The following FHL1 variants were observed in gnomAD, a reference collection of about 807,000 sequenced individuals.
FHL1 encodes the protein four and a half LIM domains protein 1.
A neutral mutation model predicts 20.3 loss-of-function variants in FHL1; 1 was observed. The observed-to-expected ratio is 0.05, with a 90% CI of 0.02 to 0.23. The LOEUF (loss-of-function observed/expected upper bound fraction) is 0.23, where lower values mean the gene tolerates loss of function less well. FHL1 is among the 10% of genes least tolerant of loss of function. The probability of loss-of-function intolerance (pLI) is 1.00; values close to 1 mark genes in which losing one functional copy is unlikely to be tolerated. For missense variants in FHL1, 177 were observed against 234.0 expected, an observed-to-expected ratio of 0.76 and a Z score of 1.59; for synonymous variants, 82 against 88.9, an observed-to-expected ratio of 0.92 and a Z score of 0.44.
Position 136,186,875 on chromosome X carries a change from TATATATAGATAGATAGATAG to T in FHL1, c.-27+16899_-27+16918del, listed in dbSNP as rs1404114668. On this transcript the variant is annotated intron_variant, in intron 2 of 6. Coordinates refer to the FHL1 transcript ENST00000394153. ...TCTCAAAAAAAAAAAAATATATATA[TATATATAGATAGATAGATAG>T]ATAGATAGATAGATAGATAGATAGA... Among the ~76,000 whole-genome samples the T allele has an allele frequency of 1.9e-3, 15 of 8,099 alleles. 1 individual carries two copies. The highest frequency in any genetic ancestry group is 0.013 in the East Asian group (2 of 158). 7.0% of individuals were successfully genotyped at this position (8,099 alleles called of 115,157 possible). A position where few individuals can be genotyped will look rare whatever the true frequency, so the allele number is the denominator to read the frequency against.
At chrX:136,189,013 C>A (rs1258309208) in intron 2 of FHL1, among the ~76,000 whole-genome samples, 1 of 112,089 alleles carries the variant, frequency 8.9e-6, no homozygotes, top group Non-Finnish European at 1.9e-5. Context: ...AGCCTCTTTT[C>A]ATTGTTGGCC....
chrX:136,209,441 C>T (rs1271233483), intron 5 of FHL1: 7 of 1,210,130 alleles, frequency 5.8e-6, no homozygotes, highest in Non-Finnish European at 6.7e-6. Flanking sequence ...CCTCGAGGCC[C>T]GGTAAGTGCA....
Position 136,210,129 on chromosome X carries a change from C to A in FHL1, c.*104C>A. ...ATAGGGGAAGAGTGGTCCTTCCCTT[C>A]TTTAAAGTTCTCCTTCCGTCTTTTC... On this transcript the variant is annotated 3_prime_UTR_variant, in exon 6 of 6. Transcript: ENST00000370683. 9.6e-7 allele frequency: 1 copy of A among 1,046,256 alleles called. No individual in the cohort carries two copies. Among genetic ancestry groups the A allele is most frequent in the Non-Finnish European group, 1.3e-6 (1 of 746,662 alleles). The allele number at this position is 1,046,256 out of a possible 1,213,427, so 86.2% of individuals were successfully genotyped here. A position where few individuals can be genotyped will look rare whatever the true frequency, so the allele number is the denominator to read the frequency against.
chrX:136,147,494 C>T (rs1260178431), upstream of FHL1: 1 of 107,511 alleles, frequency 9.3e-6, no homozygotes, highest in Admixed American at 9.7e-5. Context: ...CCTCGCGCCC[C>T]TCCCGCGCCC....
chrX:136,193,913 G>A (rs746829514), upstream of FHL1, among the ~76,000 whole-genome samples: 3 of 109,571 alleles, frequency 2.7e-5, no homozygotes, highest in Admixed American at 9.8e-5. Flanking sequence ...TCTAGCTTTC[G>A]GTCCTACTAC....
intron 1 of FHL1, among the ~76,000 whole-genome samples, chrX:136,149,096 G>A (rs978517586): frequency 2.7e-5 from 3 of 112,090 alleles, no homozygotes; most frequent in Admixed American, 1.9e-4. Context: ...AGAACAGCAG[G>A]AATAATTTTT....
intron 1 of FHL1, among the ~76,000 whole-genome samples, chrX:136,202,280 G>A (rs1257438757): frequency 8.9e-6 from 1 of 112,075 alleles, no homozygotes; most frequent in Admixed American, 9.4e-5. Context: ...TAGGAGAATT[G>A]CTTGAACCCA....
At chrX:136,156,081 C>T (rs2072408621) in intron 1 of FHL1, among the ~76,000 whole-genome samples, 1 of 109,586 alleles carries the variant, frequency 9.1e-6, no homozygotes, top group African/African-American at 3.3e-5. Flanking sequence ...TTTATTTGTG[C>T]CTCATTTTTG....
At chrX:136,194,433 T>C (rs2073505521), upstream of FHL1, among the ~76,000 whole-genome samples, 1 of 111,177 alleles carries the variant, frequency 9.0e-6, no homozygotes, top group Admixed American at 9.6e-5. Flanking sequence ...GATGTGTAGA[T>C]AAACCCTGAA....
chrX:136,167,271 T>G (rs922001913), upstream of FHL1, among the ~76,000 whole-genome samples: 2 of 111,623 alleles, frequency 1.8e-5, no homozygotes, highest in African/African-American at 6.5e-5. Flanking sequence ...AGTGGTGCGA[T>G]CTCAGATCAC....
intron 5 of FHL1, 108 bp from the exon 6 acceptor site, chrX:136,209,763 G>C: frequency 1.1e-6 from 1 of 943,927 alleles, no homozygotes; most frequent in Non-Finnish European, 1.5e-6. Flanking sequence ...TTGTCGGTCT[G>C]TGAGTGGGGC....
intron 2 of FHL1, among the ~76,000 whole-genome samples, chrX:136,171,142 A>G (rs990641830): frequency 1.8e-5 from 2 of 111,544 alleles, no homozygotes; most frequent in Non-Finnish European, 3.8e-5. Flanking sequence ...TCGGTGATAC[A>G]AGCTTTCAGC....
chrX:136,148,806 A>G (rs1184125754), intron 1 of FHL1: 2 of 112,562 alleles, frequency 1.8e-5, no homozygotes, highest in Admixed American at 1.9e-4. Context: ...AGAAAAGGAC[A>G]AGGCTTATTA....
chrX:136,168,428 T>C (rs367932076), upstream of FHL1: 33 of 112,194 alleles, frequency 2.9e-4, no homozygotes, highest in African/African-American at 1.1e-3. Flanking sequence ...CTTAACATTT[T>C]ACCGGACAAA....
intron 1 of FHL1, chrX:136,147,647 C>T (rs1325867099): frequency 9.3e-6 from 1 of 107,503 alleles, no homozygotes; most frequent in Non-Finnish European, 1.9e-5. Flanking sequence ...GCTTTCTTTC[C>T]GCTTGTGCGC....
chrX:136,158,501 C>T (rs6633808), intron 1 of FHL1, among the ~76,000 whole-genome samples: 5,642 of 111,211 alleles, frequency 0.051, 376 homozygotes, highest in African/African-American at 0.17. Context: ...ATGTCTTTCC[C>T]GTATCCTGAT....
At chrX:136,208,433 G>A (rs763061557) in intron 4 of FHL1, 22 bp from the exon 5 acceptor site, 8 of 1,208,116 alleles carry the variant, frequency 6.6e-6, no homozygotes, top group Admixed American at 6.5e-5. Flanking sequence ...ATCTGAATCC[G>A]GTGCTACACT....
chrX:136,205,469 G>C (rs1221160577), intron 1 of FHL1, among the ~76,000 whole-genome samples: 2 of 112,028 alleles, frequency 1.8e-5, no homozygotes, highest in Non-Finnish European at 3.8e-5. Context: ...TCAAGGGAGG[G>C]TTTGATTTTG....
intron 1 of FHL1, among the ~76,000 whole-genome samples, chrX:136,158,977 C>T (rs754718965): frequency 9.1e-6 from 1 of 110,247 alleles, no homozygotes; most frequent in Non-Finnish European, 1.9e-5. Flanking sequence ...AAACCCTAGA[C>T]TTTAGTTCAT....
Sources: allele counts gnomAD v4.1 joint callset (sites outside exome capture counted in the v4.1 genomes callset), GRCh38; gene constraint gnomAD v4.1.1; transcripts MANE v1.5; gene names NCBI Gene and HGNC (gene_info 2026-07-23, HGNC 2026-07-21).